PTBP2: variants seen among roughly 807,000 people sequenced by gnomAD.
The protein encoded by PTBP2 is polypyrimidine tract-binding protein 2.
In PTBP2, 13 loss-of-function variants were observed where a neutral mutation model predicts 61.4. The observed-to-expected ratio is 0.21, with a 90% CI of 0.14 to 0.34. The LOEUF (loss-of-function observed/expected upper bound fraction) is 0.34. Among genes scored for constraint, PTBP2 ranks in the 10% least tolerant of loss-of-function variants. The probability of loss-of-function intolerance (pLI) is 1.00; values close to 1 mark genes in which losing one functional copy is unlikely to be tolerated. For missense variants in PTBP2, 405 were observed against 642.6 expected (o/e 0.63, Z 4.00); for synonymous variants, 215 against 218.5 (o/e 0.98, Z 0.14).
chr1:96,773,651 C>T (rs1445109070), intron 5 of PTBP2, among the ~76,000 whole-genome samples: 2 of 152,024 alleles, frequency 1.3e-5, no homozygotes, highest in Non-Finnish European at 2.9e-5. Flanking sequence ...CAAAGAGGCT[C>T]TTATTCTGGG....
At chr1:96,754,001 TGA>T (rs1443899514) in intron 3 of PTBP2, among the ~76,000 whole-genome samples, 1 of 152,148 alleles carries the variant, frequency 6.6e-6, no homozygotes, top group African/African-American at 2.4e-5. Flanking sequence ...TAGTAATGAC[TGA>T]GAACTTCTAA....
intron 2 of PTBP2, among the ~76,000 whole-genome samples, chr1:96,739,554 AG>A (rs1311047639): frequency 6.7e-6 from 1 of 149,908 alleles, no homozygotes; most frequent in Non-Finnish European, 1.5e-5. Context: ...TATACAGTAT[AG>A]GTTAAGCATC....
chr1:96,777,847 G>A lies in PTBP2; in HGVS notation c.609G>A (p.Lys203=), dbSNP rs751263127. The A allele has an allele frequency of 2.5e-6, 4 of 1,573,148 alleles. No homozygotes were observed. Among genetic ancestry groups the A allele is most frequent in the Non-Finnish European group, 3.5e-6 (4 of 1,155,726 alleles). Residue 203 remains lysine (K), a synonymous_variant, in exon 7 of 14, where the codon AAG becomes AAA. Transcript: ENST00000674951. ...TLDVLHQIFS[K]FGAVLKIITF... ...TAATGTTTTAACAGATATTTTCTAA[G>A]TTTGGTGCTGTATTGAAGATAATCA...
intron 2 of PTBP2, among the ~76,000 whole-genome samples, chr1:96,742,662 C>CTTTTTT (rs373120041): frequency 8.3e-6 from 1 of 120,018 alleles, no homozygotes; most frequent in Admixed American, 8.2e-5. Context: ...ATAGCTTTGG[C>CTTTTTT]TTTTTTTTTT....
chr1:96,752,063 ATG>A (rs1290838662), intron 3 of PTBP2, among the ~76,000 whole-genome samples: 2 of 152,098 alleles, frequency 1.3e-5, no homozygotes, highest in African/African-American at 4.8e-5. Context: ...AAAATTGTAT[ATG>A]TCTGAAATAA....
intron 7 of PTBP2, 80 bp from the exon 8 acceptor site, chr1:96,784,979 A>G (rs912625554): frequency 4.4e-6 from 5 of 1,146,456 alleles, no homozygotes; most frequent in Non-Finnish European, 6.1e-6. Flanking sequence ...TTTGTTGTTG[A>G]GTTTTATTAC....
intron 8 of PTBP2, among the ~76,000 whole-genome samples, chr1:96,798,114 G>T (rs185160520): frequency 1.3e-5 from 2 of 151,294 alleles, no homozygotes; most frequent in Non-Finnish European, 2.9e-5. Flanking sequence ...GCTGTCAGGC[G>T]TGGTGTCTCA....
intron 2 of PTBP2, among the ~76,000 whole-genome samples, chr1:96,741,684 A>T (rs1158898832): frequency 6.6e-6 from 1 of 152,146 alleles, no homozygotes; most frequent in African/African-American, 2.4e-5. Flanking sequence ...AAAACATTTA[A>T]CCTAAGGCCT....
intron 2 of PTBP2, among the ~76,000 whole-genome samples, chr1:96,750,225 C>T (rs932596949): frequency 2.0e-5 from 3 of 151,902 alleles, no homozygotes; most frequent in Non-Finnish European, 2.9e-5. Context: ...TCAATTAGAT[C>T]TTAGGGACTA....
At chr1:96,722,368 C>T (rs898570642) in intron 1 of PTBP2, among the ~76,000 whole-genome samples, 2 of 152,024 alleles carry the variant, frequency 1.3e-5, no homozygotes, top group African/African-American at 4.8e-5. Flanking sequence ...TCCGGCCTCG[C>T]CCGGCCCTCC....
intron 3 of PTBP2, among the ~76,000 whole-genome samples, chr1:96,767,376 C>CT (rs557759020): frequency 4.0e-5 from 6 of 151,136 alleles, no homozygotes; most frequent in Admixed American, 6.6e-5. Context: ...CTTTATTGGT[C>CT]TTTTTTTTTC....
At chr1:96,808,850 T>C (rs977820513) in intron 11 of PTBP2, among the ~76,000 whole-genome samples, 1 of 151,952 alleles carries the variant, frequency 6.6e-6, no homozygotes, top group Non-Finnish European at 1.5e-5. Context: ...CACAAAACTC[T>C]ATGGTGTACT....
chr1:96,763,870 C>T (rs1006361619), intron 3 of PTBP2, among the ~76,000 whole-genome samples: 1 of 152,104 alleles, frequency 6.6e-6, no homozygotes, highest in Non-Finnish European at 1.5e-5. Context: ...AATTTGAATA[C>T]TGTTGCTTAT....
intron 7 of PTBP2, among the ~76,000 whole-genome samples, chr1:96,783,359 A>C (rs1420907522): frequency 6.6e-6 from 1 of 151,926 alleles, no homozygotes; most frequent in Non-Finnish European, 1.5e-5. Context: ...TTCCACCTAC[A>C]TAAAGTTTTT....
chr1:96,751,479 A>G lies in PTBP2; in HGVS notation c.94A>G (p.Met32Val). The change falls in exon 3 of 14, where the codon ATG (methionine) becomes GTG (valine). Residue 32 changes from methionine to valine, a missense_variant. By Grantham distance (21) the Met-to-Val change is conservative. This residue lies in a region of PTBP2 where 342 missense variants were observed against 491.2 expected (regional missense o/e 0.70). Coordinates refer to ENST00000674951, the MANE Select transcript of PTBP2 (RefSeq NM_021190.4). The stretch of plus-strand genomic sequence containing the variant: ...TGTTCTCAGTAGTCCGAACTCTAAT[A>G]TGAGCAGCATGGTAGTTACAGGTAA... Reference protein sequence around the residue: ...GSVLSSPNSNMSSMVVTANGN... With the variant: ...GSVLSSPNSNVSSMVVTANGN... 6.2e-7 allele frequency: 1 copy of G among 1,612,804 alleles called. No homozygotes were observed. Among genetic ancestry groups the G allele is most frequent in the Admixed American group, 1.7e-5 (1 of 59,982 alleles).
At chr1:96,799,938 G>A (rs1278978318) in intron 8 of PTBP2, among the ~76,000 whole-genome samples, 1 of 152,166 alleles carries the variant, frequency 6.6e-6, no homozygotes, top group Non-Finnish European at 1.5e-5. Context: ...ATCTTCAGAG[G>A]CTTTAAAAGT....
intron 2 of PTBP2, among the ~76,000 whole-genome samples, chr1:96,732,641 C>T (rs1388207832): frequency 6.6e-6 from 1 of 152,094 alleles, no homozygotes; most frequent in Non-Finnish European, 1.5e-5. Context: ...AATAAGGACT[C>T]AAGGTTTTAA....
intron 2 of PTBP2, among the ~76,000 whole-genome samples, chr1:96,727,214 TG>T (rs753101448): frequency 2.7e-4 from 41 of 152,266 alleles, no homozygotes; most frequent in Non-Finnish European, 5.3e-4. Context: ...AATTCACCCA[TG>T]TTGTCTTTCA....
At chr1:96,815,907 A>G (rs1207073675), downstream of PTBP2, 1 of 152,220 alleles carries the variant, frequency 6.6e-6, no homozygotes, top group Non-Finnish European at 1.5e-5. Flanking sequence ...TAAAAAACCA[A>G]TACCAGGGTT....
Sources: gnomAD v4.1 joint callset for allele counts (sites outside exome capture counted in the v4.1 genomes callset) on GRCh38, gnomAD v4.1.1 for gene constraint, gnomAD v4.1.1 regional missense constraint, MANE v1.5 for transcripts, NCBI Gene and HGNC (gene_info 2026-07-23, HGNC 2026-07-21) for gene names.